Variants in RAD51B observed in about 807,000 individuals in gnomAD.
The protein encoded by RAD51B is DNA repair protein RAD51 homolog 2.
RAD51B carries 38 observed loss-of-function variants against 42.2 expected under a neutral mutation model. The ratio of observed to expected loss-of-function variants is 0.90; its 90% CI spans 0.70 to 1.18. RAD51B has a LOEUF of 1.18. Among genes scored for constraint, RAD51B ranks in the 50% most tolerant of loss-of-function variants. RAD51B has a pLI of 0.00. For missense variants in RAD51B, 373 were observed against 400.7 expected (o/e 0.93, Z 0.59); for synonymous variants, 154 against 145.2 (o/e 1.06, Z -0.43).
chr14:67,843,978 G>A (rs1191904784), intron 4 of RAD51B, among the ~76,000 whole-genome samples: 1 of 151,866 alleles, frequency 6.6e-6, no homozygotes, highest in Non-Finnish European at 1.5e-5. Context: ...TTTCTGATAT[G>A]GGCTTTTAAC....
intron 10 of RAD51B, among the ~76,000 whole-genome samples, chr14:68,522,693 A>G (rs1055791612): frequency 6.6e-6 from 1 of 152,162 alleles, no homozygotes; most frequent in African/African-American, 2.4e-5. Flanking sequence ...GAAGCTCTGG[A>G]TAGAAGAGAA....
chr14:68,554,100 G>T (rs1165011532), intron 10 of RAD51B, among the ~76,000 whole-genome samples: 1 of 152,156 alleles, frequency 6.6e-6, no homozygotes, highest in Non-Finnish European at 1.5e-5. Flanking sequence ...GAAAACTGAG[G>T]CTTAGAAAGG....
chr14:68,496,224 T>C (rs1416672651), intron 10 of RAD51B, among the ~76,000 whole-genome samples: 1 of 152,208 alleles, frequency 6.6e-6, no homozygotes, highest in Non-Finnish European at 1.5e-5. Context: ...TGACAAATAT[T>C]TGGCTGTTGT....
At chr14:67,846,870 T>G (rs1321612657) in intron 4 of RAD51B, among the ~76,000 whole-genome samples, 2 of 152,104 alleles carry the variant, frequency 1.3e-5, no homozygotes, top group Non-Finnish European at 2.9e-5. Context: ...ACTGCAGACA[T>G]TACTGCACCA....
intron 8 of RAD51B, among the ~76,000 whole-genome samples, chr14:68,315,711 A>G (rs2082045400): frequency 6.6e-6 from 1 of 152,066 alleles, no homozygotes; most frequent in African/African-American, 2.4e-5. Flanking sequence ...TTTAGTAGAG[A>G]CAGGGTTTCA....
At chr14:68,156,956 G>T (rs2078525058) in intron 7 of RAD51B, among the ~76,000 whole-genome samples, 2 of 152,102 alleles carry the variant, frequency 1.3e-5, no homozygotes, top group African/African-American at 4.8e-5. Flanking sequence ...CTAGCATTTT[G>T]GGAGGCTGAA....
At chr14:68,082,833 C>T (rs2076931894) in intron 7 of RAD51B, among the ~76,000 whole-genome samples, 1 of 152,124 alleles carries the variant, frequency 6.6e-6, no homozygotes, top group South Asian at 2.1e-4. Context: ...TCTGAGCCTA[C>T]ATATTAGTGC....
At chr14:67,868,028 A>G (rs1449531466) in intron 5 of RAD51B, among the ~76,000 whole-genome samples, 1 of 152,238 alleles carries the variant, frequency 6.6e-6, no homozygotes, top group Non-Finnish European at 1.5e-5. Flanking sequence ...AGAGAAATCA[A>G]AGGAGGAATA....
At chr14:68,564,357 G>A (rs975415205) in intron 10 of RAD51B, among the ~76,000 whole-genome samples, 1 of 152,186 alleles carries the variant, frequency 6.6e-6, no homozygotes, top group East Asian at 1.9e-4. Flanking sequence ...CCTTTTGGGA[G>A]AGGTCATGCC....
chr14:67,913,696 G>A (rs910802491), intron 7 of RAD51B, among the ~76,000 whole-genome samples: 3 of 151,644 alleles, frequency 2.0e-5, no homozygotes, highest in Non-Finnish European at 4.4e-5. Flanking sequence ...ATATTTATGG[G>A]GTATATGGGA....
intron 10 of RAD51B, among the ~76,000 whole-genome samples, chr14:68,617,892 C>T (rs1413152603): frequency 1.3e-5 from 2 of 152,160 alleles, no homozygotes; most frequent in South Asian, 4.1e-4. Context: ...TCCTCTTTGG[C>T]TTCAAATCCC....
intron 10 of RAD51B, among the ~76,000 whole-genome samples, chr14:68,646,090 GCAATC>G (rs533584142): frequency 6.6e-6 from 1 of 151,530 alleles, no homozygotes; most frequent in South Asian, 2.1e-4. Context: ...GCCAAATCTA[GCAATC>G]CAACCATACG....
At chr14:68,586,668 C>T (rs2140069397) in intron 10 of RAD51B, among the ~76,000 whole-genome samples, 1 of 152,308 alleles carries the variant, frequency 6.6e-6, no homozygotes, top group East Asian at 1.9e-4. Context: ...CTCCCATTCT[C>T]AGCATGTACC....
intron 7 of RAD51B, among the ~76,000 whole-genome samples, chr14:67,995,562 T>C (rs1006252083): frequency 6.6e-6 from 1 of 151,996 alleles, no homozygotes; most frequent in Non-Finnish European, 1.5e-5. Flanking sequence ...TACTGCTTTT[T>C]TCCCCCCTCT....
chr14:68,204,777 A>G (rs190021328), intron 7 of RAD51B, among the ~76,000 whole-genome samples: 1 of 152,348 alleles, frequency 6.6e-6, no homozygotes, highest in Non-Finnish European at 1.5e-5. Flanking sequence ...AATTATTTTT[A>G]TTTGTGCTCT....
At chr14:67,930,951 C>T (rs1056239872) in intron 7 of RAD51B, among the ~76,000 whole-genome samples, 5 of 144,226 alleles carry the variant, frequency 3.5e-5, no homozygotes, top group Non-Finnish European at 7.4e-5. Context: ...GACGGAGTCT[C>T]GCTCTGTTGC....
chr14:68,154,115 G>C (rs569095558), intron 7 of RAD51B, among the ~76,000 whole-genome samples: 6 of 152,210 alleles, frequency 3.9e-5, no homozygotes, highest in Admixed American at 2.6e-4. Context: ...TTTCTTGCTT[G>C]TTTTGCATGC....
chr14:68,577,785 A>C (rs761237261), intron 10 of RAD51B, among the ~76,000 whole-genome samples: 1 of 152,056 alleles, frequency 6.6e-6, no homozygotes, highest in African/African-American at 2.4e-5. Flanking sequence ...GACTTGGTCT[A>C]TTTTCTCAAA....
chr14:68,480,748 G>T (rs1021263059), downstream of RAD51B, among the ~76,000 whole-genome samples: 2 of 152,088 alleles, frequency 1.3e-5, no homozygotes, highest in Non-Finnish European at 2.9e-5. Context: ...TCCCTCGCAG[G>T]GACTGCTGTC....
Sources: gnomAD v4.1 joint callset for allele counts (sites outside exome capture counted in the v4.1 genomes callset) on GRCh38, gnomAD v4.1.1 for gene constraint, MANE v1.5 for transcripts, NCBI Gene and HGNC (gene_info 2026-07-23, HGNC 2026-07-21) for gene names.